The following DOCK5 variants were observed in gnomAD, a reference collection of about 807,000 sequenced individuals.
The protein encoded by DOCK5 is dedicator of cytokinesis 5, also known as dedicator of cytokinesis protein 5.
Under a neutral mutation model 251.8 loss-of-function variants are expected in DOCK5, and 142 were observed. The ratio of observed to expected loss-of-function variants is 0.56; its 90% CI spans 0.49 to 0.65. DOCK5 has a LOEUF of 0.65. DOCK5 is among the 30% of genes least tolerant of loss of function. The probability of loss-of-function intolerance (pLI) is 0.00; values close to 1 mark genes in which losing one functional copy is unlikely to be tolerated. For missense variants in DOCK5, 2,111 were observed against 2,312.3 expected (o/e 0.91, Z 1.79); for synonymous variants, 842 against 835.5 (o/e 1.01, Z -0.13).
At chr8:25,225,338 G>A (rs1234395370) in intron 1 of DOCK5, among the ~76,000 whole-genome samples, 3 of 152,208 alleles carry the variant, frequency 2.0e-5, no homozygotes. Context: ...AAACATGGAA[G>A]CAACAAAATT....
chr8:25,190,418 C>T (rs1018104144), intron 1 of DOCK5, among the ~76,000 whole-genome samples: 8 of 152,062 alleles, frequency 5.3e-5, no homozygotes, highest in Admixed American at 1.3e-4. Context: ...TAGTCACGAG[C>T]ATATATGATT....
At chr8:25,402,073 G>A (rs1225622738) in intron 47 of DOCK5, among the ~76,000 whole-genome samples, 1 of 152,016 alleles carries the variant, frequency 6.6e-6, no homozygotes, top group Non-Finnish European at 1.5e-5. Flanking sequence ...CTACTTATCT[G>A]CATTTTTTTC....
intron 39 of DOCK5, among the ~76,000 whole-genome samples, chr8:25,381,941 A>G (rs1801075225): frequency 6.6e-6 from 1 of 152,222 alleles, no homozygotes; most frequent in South Asian, 2.1e-4. Context: ...CTGGGCACTT[A>G]TAATTTACCA....
chr8:25,415,263 C>A lies in DOCK5; in HGVS notation c.*3965C>A, dbSNP rs1801689615. On this transcript the variant is annotated 3_prime_UTR_variant, in exon 52 of 52. Transcript: ENST00000276440. ...GTAGTCTAAGGCTTCACCAGCCTGGCCCACTGTATCTAGACTTTAGGTTCA... is the reference window on the plus strand; with the variant it reads ...GTAGTCTAAGGCTTCACCAGCCTGGACCACTGTATCTAGACTTTAGGTTCA... The A allele has an allele frequency of 6.6e-6, 1 of 152,134 alleles. No homozygotes were observed. The highest frequency in any genetic ancestry group is 2.4e-5 in the African/African-American group (1 of 41,408). 9.4% of individuals were successfully genotyped at this position (152,134 alleles called of 1,614,324 possible).
At chr8:25,206,584 C>T (rs1384304957) in intron 1 of DOCK5, among the ~76,000 whole-genome samples, 1 of 152,164 alleles carries the variant, frequency 6.6e-6, no homozygotes, top group East Asian at 1.9e-4. Context: ...GTTACAGTAC[C>T]TGCCTGCCCA....
intron 48 of DOCK5, 94 bp from the exon 49 acceptor site, chr8:25,407,889 G>C: frequency 1.9e-6 from 2 of 1,060,486 alleles, no homozygotes. Context: ...AAAAAAAATA[G>C]CCTAAAGAGT....
rs1355171951 is a variant in DOCK5 at position 25,184,696 on chromosome 8, C to A, written c.-213C>A. The A allele has an allele frequency of 5.6e-6, 1 of 179,624 alleles. No homozygotes were observed. The highest frequency in any genetic ancestry group is 1.1e-5 in the Non-Finnish European group (1 of 91,088). 11.1% of individuals were successfully genotyped at this position (179,624 alleles called of 1,614,324 possible). On this transcript the variant is annotated 5_prime_UTR_variant, in exon 1 of 52. Coordinates refer to ENST00000276440, the MANE Select transcript of DOCK5 (RefSeq NM_024940.8). ...GCGCCAGGAGGGGCGCGCACTGCTG[C>A]GCTGCAGCCCGGCCCAGCAGGTGAC...
intron 2 of DOCK5, among the ~76,000 whole-genome samples, chr8:25,264,575 C>A (rs1803686390): frequency 6.6e-6 from 1 of 151,670 alleles, no homozygotes; most frequent in Admixed American, 6.6e-5. Context: ...CCTGTAATCC[C>A]AGCACTTTGG....
intron 39 of DOCK5, 60 bp from the exon 40 acceptor site, chr8:25,382,610 CTTTT>C: frequency 7.6e-7 from 1 of 1,307,770 alleles, no homozygotes; most frequent in East Asian, 2.6e-5. Flanking sequence ...CAAAGTCTGA[CTTTT>C]TTTTTCCCCC....
At chr8:25,397,251 T>A (rs1311405818) in intron 45 of DOCK5, among the ~76,000 whole-genome samples, 1 of 151,818 alleles carries the variant, frequency 6.6e-6, no homozygotes, top group African/African-American at 2.4e-5. Context: ...AATGCCTGAC[T>A]CACAAGATAG....
At chr8:25,354,780 A>G (rs1281431496) in intron 27 of DOCK5, among the ~76,000 whole-genome samples, 1 of 152,228 alleles carries the variant, frequency 6.6e-6, no homozygotes, top group Non-Finnish European at 1.5e-5. Flanking sequence ...ATAAAATAAC[A>G]TCAATTCAAT....
chr8:25,322,812 G>A (rs1375410143), intron 16 of DOCK5, among the ~76,000 whole-genome samples: 3 of 152,160 alleles, frequency 2.0e-5, no homozygotes, highest in Admixed American at 6.5e-5. Context: ...GCTGGAGCCG[G>A]ATCATGAAGG....
chr8:25,405,052 T>C (rs1801500109), intron 48 of DOCK5, among the ~76,000 whole-genome samples: 2 of 152,212 alleles, frequency 1.3e-5, no homozygotes, highest in Admixed American at 6.5e-5. Flanking sequence ...AAATACTTTT[T>C]TCTGTTGAAT....
chr8:25,372,806 A>C, intron 35 of DOCK5, 88 bp downstream of exon 35: 15 of 1,337,788 alleles, frequency 1.1e-5, no homozygotes, highest in Non-Finnish European at 1.4e-5. Flanking sequence ...TCCCACAAAC[A>C]CAGAGGCGCC....
At chr8:25,391,417 C>T (rs1231649821) in intron 42 of DOCK5, among the ~76,000 whole-genome samples, 4 of 151,912 alleles carry the variant, frequency 2.6e-5, no homozygotes, top group African/African-American at 7.3e-5. Flanking sequence ...GGGTGGATCA[C>T]TTGAGGTCAG....
intron 1 of DOCK5, among the ~76,000 whole-genome samples, chr8:25,192,008 A>G (rs11135854): frequency 0.81 from 120,458 of 149,490 alleles, 50,100 homozygotes; most frequent in Non-Finnish European, 0.91. Flanking sequence ...GTGAGTGAGA[A>G]CATGCAGTGT....
In DOCK5 at chr8:25,292,177, G is replaced by T; in HGVS notation, c.470+5G>T. The T allele has an allele frequency of 6.4e-7, 1 of 1,562,142 alleles. No homozygotes were observed. The stretch of plus-strand genomic sequence containing the variant: ...CAAAATTGATCATGGGAACAGGTAG[G>T]TAAACCAGGGATGGCTTTTCACTGA... On this transcript the variant is annotated splice_donor_5th_base_variant and intron_variant, in intron 6 of 51. Coordinates refer to ENST00000276440, the MANE Select transcript of DOCK5 (RefSeq NM_024940.8).
intron 5 of DOCK5, among the ~76,000 whole-genome samples, chr8:25,280,379 A>G (rs1321764007): frequency 6.6e-6 from 1 of 152,204 alleles, no homozygotes. Flanking sequence ...TCTAGACCCT[A>G]AATACTGAAG....
intron 1 of DOCK5, among the ~76,000 whole-genome samples, chr8:25,218,295 G>A (rs763223500): frequency 7.9e-5 from 12 of 152,120 alleles, no homozygotes; most frequent in Non-Finnish European, 1.5e-4. Flanking sequence ...GGAATCCCAG[G>A]GTGCCCTCAG....
Sources: gnomAD v4.1 joint callset for allele counts (sites outside exome capture counted in the v4.1 genomes callset) on GRCh38, gnomAD v4.1.1 for gene constraint, MANE v1.5 for transcripts, NCBI Gene and HGNC (gene_info 2026-07-23, HGNC 2026-07-21) for gene names.